The following PARP11 variants were observed in gnomAD, a reference collection of about 807,000 sequenced individuals.
PARP11 encodes the protein protein mono-ADP-ribosyltransferase PARP11.
PARP11 carries 31 observed loss-of-function variants against 42.9 expected under a neutral mutation model. The observed-to-expected ratio is 0.72, with a 90% CI of 0.54 to 0.98. The LOEUF (loss-of-function observed/expected upper bound fraction) is 0.98, where lower values mean the gene tolerates loss of function less well. Ranked by LOEUF, PARP11 falls within the 50% of genes least tolerant of loss-of-function variation. The probability of loss-of-function intolerance (pLI) is 0.00; values close to 1 mark genes in which losing one functional copy is unlikely to be tolerated. For synonymous variants in PARP11, 137 were observed against 127.3 expected (o/e 1.08, Z -0.51); for missense variants, 365 against 413.1 (o/e 0.88, Z 1.01).
intron 1 of PARP11, among the ~76,000 whole-genome samples, chr12:3,855,614 C>T (rs958551512): frequency 2.0e-5 from 3 of 152,034 alleles, no homozygotes; most frequent in East Asian, 1.9e-4. Context: ...CACTGCTCAA[C>T]GAAATAAAAG....
At chr12:3,825,109 CTTTT>C (rs141388668) in intron 4 of PARP11, among the ~76,000 whole-genome samples, 1 of 146,646 alleles carries the variant, frequency 6.8e-6, no homozygotes, top group South Asian at 2.2e-4. Flanking sequence ...AACATGCTAC[CTTTT>C]TTTTTTTCCA....
intron 7 of PARP11, 49 bp downstream of exon 7, chr12:3,813,988 G>A (rs945704532): frequency 7.1e-7 from 1 of 1,409,286 alleles, no homozygotes. Context: ...TCTAAAAAGA[G>A]GAAACTCTCT....
chr12:3,857,101 G>A (rs1003758959), intron 1 of PARP11, among the ~76,000 whole-genome samples: 4 of 151,270 alleles, frequency 2.6e-5, no homozygotes, highest in African/African-American at 9.7e-5. Context: ...CACAGGGCAG[G>A]GAACATCACA....
chr12:3,830,652 T>C (rs1421980173), intron 1 of PARP11, among the ~76,000 whole-genome samples: 1 of 152,160 alleles, frequency 6.6e-6, no homozygotes, highest in East Asian at 1.9e-4. Context: ...ATAACAATAA[T>C]AGTAACCTTT....
chr12:3,857,049 G>T (rs1011401296), intron 1 of PARP11, among the ~76,000 whole-genome samples: 2 of 149,992 alleles, frequency 1.3e-5, no homozygotes, highest in African/African-American at 2.5e-5. Context: ...AACACCGCAC[G>T]TTCTCACTCA....
intron 1 of PARP11, among the ~76,000 whole-genome samples, chr12:3,855,081 A>G (rs1948167612): frequency 6.6e-6 from 1 of 152,238 alleles, no homozygotes; most frequent in Non-Finnish European, 1.5e-5. Flanking sequence ...AAAATTCAAC[A>G]ACGCTTCATG....
At chr12:3,850,299 T>G (rs913941449) in intron 1 of PARP11, among the ~76,000 whole-genome samples, 18 of 152,140 alleles carry the variant, frequency 1.2e-4, no homozygotes, top group African/African-American at 4.3e-4. Flanking sequence ...ATAGCATAAT[T>G]ATATCAGTTC....
At chr12:3,834,273 C>T (rs1359801623) in intron 1 of PARP11, among the ~76,000 whole-genome samples, 1 of 152,224 alleles carries the variant, frequency 6.6e-6, no homozygotes, top group African/African-American at 2.4e-5. Context: ...AAGAGCTCTA[C>T]ATTTCCATCT....
chr12:3,860,403 T>A (rs1948276212), intron 1 of PARP11, among the ~76,000 whole-genome samples: 1 of 152,186 alleles, frequency 6.6e-6, no homozygotes, highest in Admixed American at 6.5e-5. Flanking sequence ...AAGGGACCAC[T>A]GCCTTGCTTT....
chr12:3,873,084 G>A (rs1341123232), intron 1 of PARP11, 128 bp downstream of exon 1: 2 of 913,868 alleles, frequency 2.2e-6, no homozygotes, highest in African/African-American at 1.6e-5. Flanking sequence ...AAAGGCCCGG[G>A]AACTCCGGTC....
In PARP11 at chr12:3,861,680, G is replaced by A. The variant is rs1431912158; in HGVS notation, c.18+11532C>T. 6.6e-6 allele frequency among the ~76,000 whole-genome samples: 1 copy of A among 151,742 alleles called. No homozygotes were observed. Among genetic ancestry groups the A allele is most frequent in the African/African-American group, 2.4e-5 (1 of 41,302 alleles). ...GAAGTTTTTAATTTTGATAAAGTCT[G>A]TTTTATCACTTTTTTTTTTCATCGA... On this transcript the variant is annotated intron_variant, in intron 1 of 7. Coordinates refer to ENST00000228820, the MANE Select transcript of PARP11 (RefSeq NM_020367.6). This position sits in a 1 kb window ranked among gnomAD's most constrained non-coding sequence, Gnocchi z 4.6.
intron 7 of PARP11, 93 bp downstream of exon 7, chr12:3,813,944 G>T (rs1416975299): frequency 8.4e-6 from 7 of 829,638 alleles, no homozygotes; most frequent in Non-Finnish European, 1.3e-5. Context: ...CTATATATTT[G>T]CCATAAAGCA....
chr12:3,823,373 T>C (rs1247814849), intron 4 of PARP11, among the ~76,000 whole-genome samples: 2 of 152,328 alleles, frequency 1.3e-5, no homozygotes, highest in East Asian at 1.9e-4. Context: ...ACACAGATGG[T>C]AGCATAAAGC....
At chr12:3,854,034 TACTAGGTA>T (rs1948147235) in intron 1 of PARP11, among the ~76,000 whole-genome samples, 1 of 152,176 alleles carries the variant, frequency 6.6e-6, no homozygotes, top group African/African-American at 2.4e-5. Context: ...CCTAAATGAC[TACTAGGTA>T]AATAACTAAA....
At chr12:3,832,096 C>T (rs1489596570) in intron 1 of PARP11, 10 of 944,542 alleles carry the variant, frequency 1.1e-5, no homozygotes, top group Non-Finnish European at 1.1e-5. Context: ...ATGTGTGCTC[C>T]GCTATAAAAC....
chr12:3,848,303 CA>C (rs1354694662), intron 1 of PARP11, among the ~76,000 whole-genome samples: 20 of 151,870 alleles, frequency 1.3e-4, no homozygotes, highest in African/African-American at 4.8e-4. Flanking sequence ...TAAACAAACG[CA>C]AAAAATCCTA....
chr12:3,813,894 C>T (rs1432090904), intron 7 of PARP11, 143 bp downstream of exon 7: 5 of 544,854 alleles, frequency 9.2e-6, no homozygotes, highest in African/African-American at 3.9e-5. Flanking sequence ...TATCTATTCT[C>T]GTACACAATG....
chr12:3,873,369 C>A lies in PARP11; in HGVS notation c.-140G>T, dbSNP rs539710704. 3.0e-5 allele frequency: 23 copies of A among 761,322 alleles called. No homozygotes were observed. Among genetic ancestry groups the A allele is most frequent in the Middle Eastern group, 2.3e-4 (1 of 4,302 alleles). The allele number at this position is 761,322 out of a possible 1,614,324, so 47.2% of individuals were successfully genotyped here. On this transcript the variant is annotated 5_prime_UTR_variant, in exon 1 of 8. Transcript: ENST00000228820. ...CCTTTACGAAGGCCTTCCTCCTCCC[C>A]CTCCCTGTCACAAGCCAGCGTTTAC... is the stretch of plus-strand genomic sequence containing the variant.
chr12:3,834,148 C>T (rs1947706495), intron 1 of PARP11, among the ~76,000 whole-genome samples: 1 of 152,180 alleles, frequency 6.6e-6, no homozygotes. Flanking sequence ...TACCAGCACT[C>T]CACTGCCCAC....
Sources: allele counts gnomAD v4.1 joint callset (sites outside exome capture counted in the v4.1 genomes callset), GRCh38; gene constraint gnomAD v4.1.1; non-coding constraint Gnocchi (gnomAD v3.1); transcripts MANE v1.5; gene names NCBI Gene and HGNC (gene_info 2026-07-23, HGNC 2026-07-21).